The following ZNF536 variants were observed in gnomAD, a reference collection of about 807,000 sequenced individuals.
ZNF536 encodes zinc finger protein 536.
In ZNF536, 13 loss-of-function variants were observed where a neutral mutation model predicts 84.5. The observed-to-expected ratio is 0.15, with a 90% confidence interval of 0.10 to 0.24. ZNF536 has a LOEUF of 0.24. Among genes scored for constraint, ZNF536 ranks in the 10% least tolerant of loss-of-function variants. ZNF536 has a pLI of 1.00. For synonymous variants in ZNF536, 811 were observed against 742.5 expected (o/e 1.09, Z -1.50); for missense variants, 1,536 against 1,747.5 (o/e 0.88, Z 2.16).
intron 1 of ZNF536, among the ~76,000 whole-genome samples, chr19:30,664,437 G>C (rs1342929683): frequency 6.6e-6 from 1 of 152,158 alleles, no homozygotes; most frequent in Non-Finnish European, 1.5e-5. Flanking sequence ...GGAGGGCGGG[G>C]TGGATGGAGC....
intron 1 of ZNF536, among the ~76,000 whole-genome samples, chr19:30,381,547 G>A (rs922125983): frequency 7.9e-5 from 12 of 152,232 alleles, no homozygotes; most frequent in Admixed American, 7.8e-4. Flanking sequence ...CAGGTCCCAA[G>A]GAAGGAACAG....
At chr19:30,527,886 G>A (rs1403284609) in intron 2 of ZNF536, among the ~76,000 whole-genome samples, 2 of 152,156 alleles carry the variant, frequency 1.3e-5, no homozygotes, top group Non-Finnish European at 2.9e-5. Flanking sequence ...ACGTGGGCAA[G>A]GACATTAAGA....
intron 2 of ZNF536, among the ~76,000 whole-genome samples, chr19:30,312,024 C>T (rs2046522860): frequency 6.6e-6 from 1 of 152,158 alleles, no homozygotes; most frequent in Non-Finnish European, 1.5e-5. Context: ...GCTCTGATCG[C>T]ACCACTGCAC....
intron 2 of ZNF536, among the ~76,000 whole-genome samples, chr19:30,488,079 C>G (rs928692186): frequency 1.3e-5 from 2 of 152,148 alleles, no homozygotes; most frequent in Non-Finnish European, 2.9e-5. Flanking sequence ...TAGGTGGTAC[C>G]ACTTATCTGT....
chr19:30,605,351 C>T (rs1262026341), intron 1 of ZNF536, among the ~76,000 whole-genome samples: 2 of 151,976 alleles, frequency 1.3e-5, no homozygotes, highest in East Asian at 1.9e-4. Context: ...CCTCCCCCAC[C>T]GCCAAGTCCC....
At chr19:30,554,632 G>A (rs1250044197) in intron 4 of ZNF536, 2 of 152,214 alleles carry the variant, frequency 1.3e-5, no homozygotes, top group Non-Finnish European at 1.5e-5. Flanking sequence ...GAGAATAAAA[G>A]TGTTGGCTCA....
rs375500428 is a variant in ZNF536, at chr19:30,548,084, A to T, written c.2465A>T (p.Lys822Met). The change falls in exon 4 of 5, where the codon AAG (lysine) becomes ATG (methionine). Residue 822 changes from lysine (K) to methionine (M), a missense_variant. Lys to Met is a moderately conservative substitution (Grantham distance 95). Coordinates refer to ENST00000355537, the MANE Select transcript of ZNF536 (RefSeq NM_014717.3). ...GGGCAACCCCCAAATCAAGACCACAAGGATGAGATGTCAAGCAAAGCTTCT... is the reference window on the plus strand; with the variant it reads ...GGGCAACCCCCAAATCAAGACCACATGGATGAGATGTCAAGCAAAGCTTCT... ...LSGQPPNQDH[K>M]DEMSSKASLF... 1 of 1,614,152 alleles carries T rather than the reference A, an allele frequency of 6.2e-7. No homozygotes were observed. Among genetic ancestry groups the T allele is most frequent in the Non-Finnish European group, 8.5e-7 (1 of 1,180,026 alleles).
intron 2 of ZNF536, among the ~76,000 whole-genome samples, chr19:30,284,693 A>T (rs1227044256): frequency 6.6e-6 from 1 of 152,204 alleles, no homozygotes; most frequent in East Asian, 1.9e-4. Flanking sequence ...TATGTATTTG[A>T]TATCTTTGGT....
At chr19:30,600,660 T>C (rs1429790094) in intron 1 of ZNF536, among the ~76,000 whole-genome samples, 3 of 152,164 alleles carry the variant, frequency 2.0e-5, no homozygotes, top group Non-Finnish European at 4.4e-5. Context: ...GAGGAGGACA[T>C]AGCCTGGCCA....
At chr19:30,701,743 T>G (rs557263171) in intron 1 of ZNF536, among the ~76,000 whole-genome samples, 1 of 152,344 alleles carries the variant, frequency 6.6e-6, no homozygotes, top group Non-Finnish European at 1.5e-5. Flanking sequence ...GTTGAATTCC[T>G]GATCAGTAAG....
intron 1 of ZNF536, among the ~76,000 whole-genome samples, chr19:30,597,808 C>A (rs1373467877): frequency 6.6e-6 from 1 of 152,064 alleles, no homozygotes; most frequent in African/African-American, 2.4e-5. Flanking sequence ...TTGTTGTATG[C>A]ATATAGTTGT....
intron 1 of ZNF536, among the ~76,000 whole-genome samples, chr19:30,417,562 T>TTAGAAAAAAAAGGA (rs1382535459): frequency 6.6e-6 from 1 of 152,080 alleles, no homozygotes; most frequent in Admixed American, 6.5e-5. Flanking sequence ...AAACATACCA[T>TTAGAAAAAAAAGGA]TAGAAAAAAA....
intron 2 of ZNF536, among the ~76,000 whole-genome samples, chr19:30,478,255 A>C (rs1255607792): frequency 2.0e-5 from 3 of 151,626 alleles, no homozygotes; most frequent in Non-Finnish European, 4.4e-5. Context: ...GATTTAATCT[A>C]AACTTCCTGT....
Position 30,318,219 on chromosome 19 carries a change from TTGCCCAGAACTGTGCTG to T in ZNF536, c.-120+34093_-120+34109del, listed in dbSNP as rs1259560522. On this transcript the variant is annotated intron_variant, in intron 2 of 5. Transcript: ENST00000585628. ...CACTGCATGAGGTTCAGTTGCATAT[TTGCCCAGAACTGTGCTG>T]TGCCCAGAACTGTGTATGACAGCCT... Among the ~76,000 whole-genome samples, 60 of 152,370 alleles carry T rather than the reference TTGCCCAGAACTGTGCTG, an allele frequency of 3.9e-4. 1 individual carries two copies. Among genetic ancestry groups the T allele is most frequent in the African/African-American group, 1.4e-3 (57 of 41,584 alleles).
intron 1 of ZNF536, among the ~76,000 whole-genome samples, chr19:30,573,153 A>G (rs1172777850): frequency 1.3e-5 from 2 of 152,212 alleles, no homozygotes; most frequent in Non-Finnish European, 2.9e-5. Context: ...GTAAGTGAAC[A>G]GGATTTCCAA....
At chr19:30,394,288 C>T (rs1164768688) in intron 1 of ZNF536, among the ~76,000 whole-genome samples, 2 of 152,120 alleles carry the variant, frequency 1.3e-5, no homozygotes, top group African/African-American at 4.8e-5. Context: ...CCACCTATTG[C>T]CTACTTATCC....
chr19:30,473,482 C>A (rs2053724099), intron 2 of ZNF536, among the ~76,000 whole-genome samples: 1 of 152,116 alleles, frequency 6.6e-6, no homozygotes, highest in African/African-American at 2.4e-5. Flanking sequence ...AGGGGACCCA[C>A]TTGCAATAAA....
At chr19:30,587,921 A>T (rs547135527) in intron 1 of ZNF536, among the ~76,000 whole-genome samples, 4 of 152,372 alleles carry the variant, frequency 2.6e-5, no homozygotes, top group African/African-American at 9.6e-5. Flanking sequence ...TAATTGGTGC[A>T]TTAAAAAGGC....
At chr19:30,447,200 TC>T (rs200977715) in intron 2 of ZNF536, among the ~76,000 whole-genome samples, 3 of 152,172 alleles carry the variant, frequency 2.0e-5, no homozygotes, top group East Asian at 1.9e-4. Flanking sequence ...TCTTTCTTGA[TC>T]CCCCCCACCC....
Sources: gnomAD v4.1 joint callset for allele counts (sites outside exome capture counted in the v4.1 genomes callset) on GRCh38, gnomAD v4.1.1 for gene constraint, MANE v1.5 for transcripts, NCBI Gene and HGNC (gene_info 2026-07-23, HGNC 2026-07-21) for gene names.